Variants in BBS9 observed in about 807,000 individuals in gnomAD.
BBS9 encodes Bardet-Biedl syndrome 9.
A neutral mutation model predicts 117.7 loss-of-function variants in BBS9; 89 were observed. That is an observed-to-expected ratio of 0.76 (90% CI 0.64 to 0.90). The LOEUF is 0.90. Ranked by LOEUF, BBS9 falls within the 40% of genes least tolerant of loss-of-function variation. The probability of loss-of-function intolerance (pLI) is 0.00; values close to 1 mark genes in which losing one functional copy is unlikely to be tolerated. For synonymous variants in BBS9, 379 were observed against 370.9 expected (o/e 1.02, Z -0.25); for missense variants, 982 against 1,042.2 (o/e 0.94, Z 0.80).
intron 21 of BBS9, among the ~76,000 whole-genome samples, chr7:33,594,189 T>C (rs1227229280): frequency 1.3e-5 from 2 of 152,142 alleles, no homozygotes; most frequent in East Asian, 1.9e-4. Context: ...TTAGACTCTC[T>C]TTTATTCACA....
chr7:33,482,120 C>A (rs1184374531), intron 19 of BBS9, among the ~76,000 whole-genome samples: 1 of 151,994 alleles, frequency 6.6e-6, no homozygotes, highest in Non-Finnish European at 1.5e-5. Context: ...ACTCAACATT[C>A]ATGAAAAGTC....
intron 21 of BBS9, among the ~76,000 whole-genome samples, chr7:33,553,714 A>G (rs1008222325): frequency 6.6e-6 from 1 of 152,144 alleles, no homozygotes; most frequent in African/African-American, 2.4e-5. Context: ...AGTTCTTAAA[A>G]TGGGGAAAGA....
intron 9 of BBS9, among the ~76,000 whole-genome samples, chr7:33,274,923 A>AG (rs1800465853): frequency 7.6e-6 from 1 of 132,310 alleles, no homozygotes; most frequent in African/African-American, 2.9e-5. Flanking sequence ...TGAACCCAGG[A>AG]GGTGGAGGTT....
intron 21 of BBS9, among the ~76,000 whole-genome samples, chr7:33,622,496 T>G (rs934438902): frequency 6.6e-6 from 1 of 152,230 alleles, no homozygotes; most frequent in African/African-American, 2.4e-5. Flanking sequence ...ATACTAGATA[T>G]GTTAATTAGC....
chr7:33,339,619 C>T (rs895071871), intron 10 of BBS9, among the ~76,000 whole-genome samples: 2 of 152,244 alleles, frequency 1.3e-5, no homozygotes, highest in East Asian at 3.9e-4. Flanking sequence ...ACAGGGTGAT[C>T]TCAGCAATTC....
intron 21 of BBS9, among the ~76,000 whole-genome samples, chr7:33,623,356 TA>T (rs1178660492): frequency 1.3e-5 from 2 of 151,702 alleles, no homozygotes; most frequent in Non-Finnish European, 2.9e-5. Flanking sequence ...ATCTACCAGA[TA>T]GGAGAAAAAG....
At chr7:33,614,015 A>G (rs1585479075) in intron 21 of BBS9, among the ~76,000 whole-genome samples, 1 of 152,212 alleles carries the variant, frequency 6.6e-6, no homozygotes, top group Middle Eastern at 3.4e-3. Context: ...TGCTGGGAAA[A>G]TACAATAAAT....
intron 4 of BBS9, among the ~76,000 whole-genome samples, chr7:33,173,296 T>A (rs1339139212): frequency 6.6e-6 from 1 of 152,056 alleles, no homozygotes; most frequent in East Asian, 1.9e-4. Context: ...TATTGAAAAA[T>A]TTGGCCGAGT....
chr7:33,426,449 A>G (rs1833671709), intron 19 of BBS9, among the ~76,000 whole-genome samples: 1 of 152,168 alleles, frequency 6.6e-6, no homozygotes, highest in Non-Finnish European at 1.5e-5. Flanking sequence ...ATAAATGGGA[A>G]AATATTAGCT....
rs1792323775 is a variant in BBS9 at position 33,146,261 on chromosome 7, A to G, written c.9A>G (p.Leu3=). MS[L]FKARDWWSTI... ...TTTTAGTGTGAAAGAAAATGTCTTT[A>G]TTTAAAGCCCGTGATTGGTGGTCTA... The change falls in exon 2 of 23, where the codon TTA becomes TTG. Residue 3 remains leucine (L), a synonymous_variant. Transcript: ENST00000242067. The G allele has an allele frequency of 1.9e-6, 3 of 1,612,568 alleles. No individual in the cohort carries two copies. The highest frequency in any genetic ancestry group is 3.3e-4 in the Middle Eastern group (2 of 6,062).
At chr7:33,488,573 T>C (rs1843432078) in intron 19 of BBS9, among the ~76,000 whole-genome samples, 1 of 152,212 alleles carries the variant, frequency 6.6e-6, no homozygotes, top group Non-Finnish European at 1.5e-5. Context: ...AACATTAAAA[T>C]ATGGGGTTAG....
At chr7:33,485,939 C>T (rs1843054917) in intron 19 of BBS9, among the ~76,000 whole-genome samples, 1 of 152,164 alleles carries the variant, frequency 6.6e-6, no homozygotes, top group Non-Finnish European at 1.5e-5. Context: ...TGCCTGATGA[C>T]TCATGAGTAG....
intron 19 of BBS9, among the ~76,000 whole-genome samples, chr7:33,500,264 T>C (rs1429666393): frequency 6.6e-6 from 1 of 152,222 alleles, no homozygotes; most frequent in African/African-American, 2.4e-5. Flanking sequence ...TTCCTTAGTG[T>C]CTTTGCTTAA....
intron 9 of BBS9, among the ~76,000 whole-genome samples, chr7:33,329,414 T>C (rs59674649): frequency 0.12 from 17,662 of 152,182 alleles, 1,231 homozygotes; most frequent in African/African-American, 0.19. Flanking sequence ...TAGGTATTTT[T>C]CCTAATTCAT....
chr7:33,474,381 C>G (rs965983840), intron 19 of BBS9, among the ~76,000 whole-genome samples: 1 of 152,218 alleles, frequency 6.6e-6, no homozygotes, highest in Non-Finnish European at 1.5e-5. Flanking sequence ...GACTTGTCTT[C>G]TTATCCAGTC....
chr7:33,489,102 C>T (rs926716534), intron 19 of BBS9, among the ~76,000 whole-genome samples: 2 of 150,300 alleles, frequency 1.3e-5, no homozygotes, highest in Non-Finnish European at 2.9e-5. Context: ...AAGCAATTCT[C>T]CTGCCTCAGC....
chr7:33,211,493 G>A (rs1583647446), intron 5 of BBS9, among the ~76,000 whole-genome samples: 2 of 151,678 alleles, frequency 1.3e-5, no homozygotes, highest in South Asian at 4.2e-4. Flanking sequence ...GTTTATTTTT[G>A]ATTGTTATTA....
chr7:33,451,464 A>G (rs528642702), intron 19 of BBS9, among the ~76,000 whole-genome samples: 2 of 152,290 alleles, frequency 1.3e-5, no homozygotes, highest in Admixed American at 1.3e-4. Flanking sequence ...ATTTTCACCC[A>G]CTATGTAGTC....
At chr7:33,290,044 C>CA (rs202030600) in intron 9 of BBS9, among the ~76,000 whole-genome samples, 1,838 of 141,884 alleles carry the variant, frequency 0.013, 17 homozygotes, top group Non-Finnish European at 0.013. Flanking sequence ...GACTCTATCT[C>CA]AAAAAAAAAA....
Sources: allele counts gnomAD v4.1 joint callset (sites outside exome capture counted in the v4.1 genomes callset), GRCh38; gene constraint gnomAD v4.1.1; transcripts MANE v1.5; gene names NCBI Gene and HGNC (gene_info 2026-07-23, HGNC 2026-07-21).